Variants in HSD17B12 observed in about 807,000 individuals in gnomAD.
The protein encoded by HSD17B12 is hydroxysteroid 17-beta dehydrogenase 12.
Under a neutral mutation model 39.3 loss-of-function variants are expected in HSD17B12, and 32 were observed. The ratio of observed to expected loss-of-function variants is 0.81; its 90% CI spans 0.61 to 1.09. HSD17B12 has a LOEUF of 1.09. Among genes scored for constraint, HSD17B12 ranks in the 50% least tolerant of loss-of-function variants. HSD17B12 has a pLI of 0.00. For synonymous variants in HSD17B12, 150 were observed against 146.7 expected, an observed-to-expected ratio of 1.02 and a Z score of -0.16; for missense variants, 342 against 382.9, an observed-to-expected ratio of 0.89 and a Z score of 0.89.
the HSD17B12 span, among the ~76,000 whole-genome samples, chr11:43,630,110 C>G: frequency 6.6e-6 from 1 of 152,090 alleles, no homozygotes; most frequent in South Asian, 2.1e-4. Context: ...GGTTAATACT[C>G]TATCTGGCCT....
the HSD17B12 span, among the ~76,000 whole-genome samples, chr11:43,594,210 C>G: frequency 1.1e-4 from 16 of 152,016 alleles, no homozygotes; most frequent in African/African-American, 3.6e-4. Flanking sequence ...TAGTAGTAAT[C>G]ATTTAAAAAT....
Position 43,690,379 on chromosome 11 carries a change from TATA to T in HSD17B12, c.160+9393_160+9395del, listed in dbSNP as rs1565049582. On this transcript the variant is annotated intron_variant, in intron 1 of 10. Transcript: ENST00000278353. ...ATTCATACATATATATATATATATA[TATA>T]TATATATATATATATATATATATTT... 5.4e-4 allele frequency among the ~76,000 whole-genome samples: 7 copies of T among 12,862 alleles called. 1 individual carries two copies. The highest frequency in any genetic ancestry group is 5.6e-3 in the East Asian group (2 of 356). 8.4% of individuals were successfully genotyped at this position (12,862 alleles called of 152,430 possible).
rs375246886 is a variant in HSD17B12 at position 43,821,059 on chromosome 11, T to C, written c.501+4668T>C. ...TGGTAGTGATGTGGCCAGAAAAATA[T>C]TGGGGAAGAAATATTAATCAGAAAG... On this transcript the variant is annotated intron_variant, in intron 6 of 10. Transcript: ENST00000278353. Among the ~76,000 whole-genome samples the C allele has an allele frequency of 2.3e-4, 35 of 152,318 alleles. No homozygotes were observed. The East Asian group carries it at 4.8e-3, about 21-fold the overall frequency.
the HSD17B12 span, among the ~76,000 whole-genome samples, chr11:43,583,030 T>A: frequency 7.2e-5 from 11 of 152,170 alleles, no homozygotes; most frequent in Non-Finnish European, 1.2e-4. Flanking sequence ...CACGTTAGAT[T>A]AATAATAGCT....
At chr11:43,849,844 T>C (rs1951514444) in intron 9 of HSD17B12, among the ~76,000 whole-genome samples, 3 of 152,244 alleles carry the variant, frequency 2.0e-5, no homozygotes, top group African/African-American at 7.2e-5. Context: ...TAAGTTCCCA[T>C]GCCTAAAACA....
chr11:43,745,885 A>G (rs964915919), intron 1 of HSD17B12, among the ~76,000 whole-genome samples: 1 of 152,122 alleles, frequency 6.6e-6, no homozygotes. Context: ...GTATGGTAGC[A>G]TGTGCCTGTA....
At chr11:43,589,092 T>C in the HSD17B12 span, among the ~76,000 whole-genome samples, 1 of 151,198 alleles carries the variant, frequency 6.6e-6, no homozygotes, top group African/African-American at 2.4e-5. Flanking sequence ...TTAGGCAATT[T>C]CCACCAAGGA....
chr11:43,623,772 A>G, the HSD17B12 span, among the ~76,000 whole-genome samples: 1 of 152,014 alleles, frequency 6.6e-6, no homozygotes, highest in Admixed American at 6.6e-5. Context: ...TAAAAAAGAA[A>G]AGTAAAACCC....
At chr11:43,628,964 A>G in the HSD17B12 span, among the ~76,000 whole-genome samples, 1 of 152,084 alleles carries the variant, frequency 6.6e-6, no homozygotes, top group Non-Finnish European at 1.5e-5. Context: ...CCTAACTGAT[A>G]ATCCATACCA....
upstream of HSD17B12, among the ~76,000 whole-genome samples, chr11:43,680,140 A>G (rs1367854488): frequency 1.4e-5 from 2 of 140,816 alleles, no homozygotes; most frequent in African/African-American, 5.2e-5. Flanking sequence ...CAGTGGCGCG[A>G]TCTCGGCTCA....
At chr11:43,843,543 G>A (rs1342031166) in intron 9 of HSD17B12, among the ~76,000 whole-genome samples, 1 of 152,162 alleles carries the variant, frequency 6.6e-6, no homozygotes, top group African/African-American at 2.4e-5. Context: ...CCTCCCCGAC[G>A]TTCAGGCCAG....
At chr11:43,603,011 A>C in the HSD17B12 span, among the ~76,000 whole-genome samples, 1 of 152,192 alleles carries the variant, frequency 6.6e-6, no homozygotes, top group African/African-American at 2.4e-5. Flanking sequence ...TTCCAGGCAC[A>C]GGGAGGCTGG....
At chr11:43,805,921 C>A (rs906257068) in intron 4 of HSD17B12, among the ~76,000 whole-genome samples, 1 of 152,038 alleles carries the variant, frequency 6.6e-6, no homozygotes, top group Non-Finnish European at 1.5e-5. Flanking sequence ...TTAGCTAGAG[C>A]GATTCATGGA....
At chr11:43,595,487 A>G in the HSD17B12 span, among the ~76,000 whole-genome samples, 133 of 152,346 alleles carry the variant, frequency 8.7e-4, no homozygotes, top group Middle Eastern at 3.4e-3. Flanking sequence ...TTATTCATTT[A>G]TTTATCCAAC....
chr11:43,794,596 G>C (rs866574704), intron 3 of HSD17B12, among the ~76,000 whole-genome samples: 5 of 152,180 alleles, frequency 3.3e-5, no homozygotes, highest in South Asian at 2.1e-4. Context: ...GTAGGTACAA[G>C]CTGTCCAATC....
chr11:43,616,965 C>T, the HSD17B12 span, among the ~76,000 whole-genome samples: 2 of 145,608 alleles, frequency 1.4e-5, no homozygotes, highest in East Asian at 4.0e-4. Flanking sequence ...GAACAAGACT[C>T]TATCTCAAAT....
chr11:43,631,859 G>A, the HSD17B12 span, among the ~76,000 whole-genome samples: 2 of 152,024 alleles, frequency 1.3e-5, no homozygotes, highest in African/African-American at 4.8e-5. Context: ...TCTGAATCGC[G>A]GCTTCGGCTA....
intron 3 of HSD17B12, among the ~76,000 whole-genome samples, chr11:43,757,490 G>C (rs564538284): frequency 6.7e-6 from 1 of 149,506 alleles, no homozygotes; most frequent in African/African-American, 2.5e-5. Context: ...AAAATTAGCC[G>C]GGCGCGGTGG....
chr11:43,608,144 A>G, the HSD17B12 span, among the ~76,000 whole-genome samples: 1 of 152,138 alleles, frequency 6.6e-6, no homozygotes, highest in Admixed American at 6.5e-5. Flanking sequence ...TGAGGCGGGC[A>G]GATTGCTTGA....
Sources: gnomAD v4.1 joint callset for allele counts (sites outside exome capture counted in the v4.1 genomes callset) on GRCh38, gnomAD v4.1.1 for gene constraint, MANE v1.5 for transcripts, NCBI Gene and HGNC (gene_info 2026-07-23, HGNC 2026-07-21) for gene names.